PAG1: variants seen among roughly 807,000 people sequenced by gnomAD.
The protein encoded by PAG1 is phosphoprotein associated with glycosphingolipid-enriched microdomains 1.
Under a neutral mutation model 31.7 loss-of-function variants are expected in PAG1, and 23 were observed. The ratio of observed to expected loss-of-function variants is 0.73; its 90% CI spans 0.52 to 1.03. The LOEUF (loss-of-function observed/expected upper bound fraction) is 1.03. Ranked by LOEUF, PAG1 falls within the 50% of genes least tolerant of loss-of-function variation. The pLI is 0.00. For missense variants in PAG1, 473 were observed against 540.7 expected (o/e 0.87, Z 1.24); for synonymous variants, 214 against 210.3 (o/e 1.02, Z -0.15).
At chr8:81,048,515 C>G (rs578246917) in intron 2 of PAG1, among the ~76,000 whole-genome samples, 3 of 152,050 alleles carry the variant, frequency 2.0e-5, no homozygotes, top group Non-Finnish European at 2.9e-5. Context: ...TTCTCTGGGC[C>G]CAGAGAGGCC....
intron 1 of PAG1, among the ~76,000 whole-genome samples, chr8:81,083,663 C>T (rs1809304542): frequency 6.6e-6 from 1 of 152,124 alleles, no homozygotes; most frequent in Non-Finnish European, 1.5e-5. Context: ...TTTCAGAAAA[C>T]AGATTTTCAT....
At position 80,974,487 on chromosome 8, in the gene PAG1, G is replaced by A. The variant is rs1042351490; in HGVS notation, c.*2057C>T. On this transcript the variant is annotated 3_prime_UTR_variant, in exon 9 of 9. Coordinates refer to ENST00000220597, the MANE Select transcript of PAG1 (RefSeq NM_018440.4). ...CTGCTGTGATCTTCTAATCAGTGAT[G>A]ATTGTGCTTATGCACACGACATCTT... 6 of 152,208 alleles carry A rather than the reference G, an allele frequency of 3.9e-5. No homozygotes were observed. Among genetic ancestry groups the A allele is most frequent in the African/African-American group, 1.4e-4 (6 of 41,446 alleles). The allele number at this position is 152,208 out of a possible 1,614,324, so 9.4% of individuals were successfully genotyped here.
chr8:80,996,041 A>AT (rs1204546107), intron 3 of PAG1, among the ~76,000 whole-genome samples: 5 of 152,266 alleles, frequency 3.3e-5, no homozygotes, highest in Admixed American at 2.6e-4. Context: ...TGTGGACAAA[A>AT]TTCTCACAGC....
intron 8 of PAG1, among the ~76,000 whole-genome samples, chr8:80,977,305 T>C (rs1052062371): frequency 1.1e-4 from 16 of 152,220 alleles, no homozygotes; most frequent in African/African-American, 3.9e-4. Context: ...AAACACATAG[T>C]AGACCGGTGA....
At chr8:80,998,995 G>C (rs1182669982) in intron 3 of PAG1, among the ~76,000 whole-genome samples, 1 of 152,208 alleles carries the variant, frequency 6.6e-6, no homozygotes, top group Non-Finnish European at 1.5e-5. Context: ...AAATTAACCA[G>C]ATTTAATGAT....
intron 1 of PAG1, among the ~76,000 whole-genome samples, chr8:81,100,443 T>G (rs1809591416): frequency 6.6e-6 from 1 of 152,196 alleles, no homozygotes; most frequent in African/African-American, 2.4e-5. Flanking sequence ...AGAAAATTCT[T>G]CCCTGGGGAG....
chr8:80,976,497 G>A lies in PAG1; in HGVS notation c.*47C>T, dbSNP rs770908707. The A allele has an allele frequency of 2.5e-5, 39 of 1,539,274 alleles. No individual in the cohort carries two copies. The Admixed American group carries it at 5.7e-4, about 23-fold the overall frequency. The stretch of plus-strand genomic sequence containing the variant: ...ACTTCTTCTCTTCCACAGAAGAAAC[G>A]TCTCCAGACACTGATCACAGGCTAC... On this transcript the variant is annotated 3_prime_UTR_variant, in exon 9 of 9. Transcript: ENST00000220597.
chr8:81,018,579 G>A (rs1808110699), intron 3 of PAG1, among the ~76,000 whole-genome samples: 1 of 152,214 alleles, frequency 6.6e-6, no homozygotes, highest in African/African-American at 2.4e-5. Context: ...CTGTTCTCAT[G>A]ATGGTGAATG....
At chr8:81,111,170 C>A (rs922025911) in intron 1 of PAG1, among the ~76,000 whole-genome samples, 2 of 152,126 alleles carry the variant, frequency 1.3e-5, no homozygotes, top group African/African-American at 4.8e-5. Context: ...AAGCGGGATG[C>A]GCGGGAAGCC....
At chr8:81,052,129 CAAAA>C (rs769477091) in intron 2 of PAG1, among the ~76,000 whole-genome samples, 1 of 74,176 alleles carries the variant, frequency 1.3e-5, no homozygotes. Context: ...GACTCCATCT[CAAAA>C]AAAAAAAAAA....
intron 3 of PAG1, among the ~76,000 whole-genome samples, chr8:81,024,274 G>A (rs1266535186): frequency 6.6e-6 from 1 of 152,148 alleles, no homozygotes; most frequent in Non-Finnish European, 1.5e-5. Flanking sequence ...TGGAAACCCC[G>A]ATCCAGGCTC....
intron 6 of PAG1, 106 bp from the exon 7 acceptor site, chr8:80,985,483 A>G (rs973897667): frequency 1.6e-5 from 19 of 1,182,652 alleles, no homozygotes; most frequent in East Asian, 2.5e-5. Flanking sequence ...CGTGCTTTTT[A>G]TTTAAGTCTC....
chr8:80,990,986 CA>C lies in PAG1; in HGVS notation c.177+492del. Among the ~76,000 whole-genome samples the C allele has an allele frequency of 6.6e-6, 1 of 152,050 alleles. No individual in the cohort carries two copies. Among genetic ancestry groups the C allele is most frequent in the Non-Finnish European group, 1.5e-5 (1 of 68,018 alleles). Reference sequence around the variant, plus strand: ...GGAAACTTGGACACAGCCAGCCATACATAGATGGGAGGTGATGTGAAACACA... The same window carrying C: ...GGAAACTTGGACACAGCCAGCCATACTAGATGGGAGGTGATGTGAAACACA... On this transcript the variant is annotated intron_variant, in intron 5 of 8. Transcript: ENST00000220597. The surrounding 1 kb of genome is among the most constrained non-coding windows in gnomAD (Gnocchi z 5.1).
In PAG1 at chr8:80,975,690, A is replaced by G. The variant is rs1271180044; in HGVS notation, c.*854T>C. 4.6e-5 allele frequency: 7 copies of G among 152,206 alleles called. No homozygotes were observed. Among genetic ancestry groups the G allele is most frequent in the African/African-American group, 1.4e-4 (6 of 41,454 alleles). 9.4% of individuals were successfully genotyped at this position (152,206 alleles called of 1,614,324 possible). A position where few individuals can be genotyped will look rare whatever the true frequency, so the allele number is the denominator to read the frequency against. ...GATTAAGGCTCTCTGTTTTGAAGGA[A>G]TGAGTTCTGGGCTTAAACAAGTCTA... On this transcript the variant is annotated 3_prime_UTR_variant, in exon 9 of 9. Transcript: ENST00000220597.
intron 1 of PAG1, among the ~76,000 whole-genome samples, chr8:81,091,310 T>A (rs1004095548): frequency 8.5e-5 from 13 of 152,284 alleles, no homozygotes; most frequent in African/African-American, 3.1e-4. Context: ...TCATTTTGTA[T>A]CAGGCACCTA....
At position 80,993,218 on chromosome 8, in the gene PAG1, C is replaced by T. The variant is rs151324516; in HGVS notation, c.10G>A (p.Ala4Thr). The change falls in exon 4 of 9, where the codon GCG becomes ACG. Residue 4 changes from alanine (A) to threonine (T), a missense_variant. Ala to Thr is a moderately conservative substitution (Grantham distance 58, BLOSUM62 0). Transcript: ENST00000220597. ...TGTCCGCTGCCCAGCAGGCTCCCCG[C>T]GGGCCCCATGGCAGGAGCAGGCACT... MGP[A>T]GSLLGSGQMQ... The T allele has an allele frequency of 4.5e-5, 72 of 1,608,150 alleles. No individual in the cohort carries two copies. The highest frequency in any genetic ancestry group is 1.7e-4 in the Middle Eastern group (1 of 6,024).
intron 1 of PAG1, among the ~76,000 whole-genome samples, chr8:81,084,321 T>C (rs1198474256): frequency 6.6e-6 from 1 of 152,178 alleles, no homozygotes; most frequent in East Asian, 1.9e-4. Flanking sequence ...CCTCATTAAG[T>C]AAGGACATTG....
chr8:81,057,391 T>TA (rs1337288517), intron 2 of PAG1, among the ~76,000 whole-genome samples: 1 of 151,704 alleles, frequency 6.6e-6, no homozygotes, highest in Non-Finnish European at 1.5e-5. Flanking sequence ...TATGCAGCCA[T>TA]AAAAAAGGAT....
At chr8:81,073,722 T>A (rs1163722091) in intron 1 of PAG1, among the ~76,000 whole-genome samples, 1 of 152,230 alleles carries the variant, frequency 6.6e-6, no homozygotes, top group East Asian at 1.9e-4. Flanking sequence ...TTCCCTGTCC[T>A]ATGTATCTTT....
Sources: allele counts gnomAD v4.1 joint callset (sites outside exome capture counted in the v4.1 genomes callset), GRCh38; gene constraint gnomAD v4.1.1; non-coding constraint Gnocchi (gnomAD v3.1); transcripts MANE v1.5; gene names NCBI Gene and HGNC (gene_info 2026-07-23, HGNC 2026-07-21).